The following JMJD1C variants were observed in gnomAD, a reference collection of about 807,000 sequenced individuals.
JMJD1C encodes jumonji domain containing 1C, also known as jumonji domain-containing protein 1C.
In JMJD1C, 31 loss-of-function variants were observed where a neutral mutation model predicts 245.3. The observed-to-expected ratio is 0.13, with a 90% CI of 0.09 to 0.17. The LOEUF (loss-of-function observed/expected upper bound fraction) is 0.17, where lower values mean the gene tolerates loss of function less well. JMJD1C is among the 10% of genes least tolerant of loss of function. The probability of loss-of-function intolerance (pLI) is 1.00; values close to 1 mark genes in which losing one functional copy is unlikely to be tolerated. For missense variants in JMJD1C, 2,691 were observed against 3,000.2 expected, an observed-to-expected ratio of 0.90 and a Z score of 2.41; for synonymous variants, 1,057 against 1,017.4, an observed-to-expected ratio of 1.04 and a Z score of -0.74.
At chr10:63,367,983 C>T (rs548225524) in intron 2 of JMJD1C, among the ~76,000 whole-genome samples, 6 of 152,330 alleles carry the variant, frequency 3.9e-5, no homozygotes, top group African/African-American at 1.4e-4. Flanking sequence ...ACATATAAAT[C>T]TTCCTATCAG....
At chr10:63,249,144 T>C (rs559757186) in intron 3 of JMJD1C, among the ~76,000 whole-genome samples, 9 of 152,218 alleles carry the variant, frequency 5.9e-5, no homozygotes, top group Middle Eastern at 3.4e-3. Context: ...GATAAAACCC[T>C]GTCTCTACTA....
At chr10:63,319,608 G>C (rs1694658554) in intron 2 of JMJD1C, among the ~76,000 whole-genome samples, 1 of 151,748 alleles carries the variant, frequency 6.6e-6, no homozygotes, top group Non-Finnish European at 1.5e-5. Context: ...CTATCTTCTG[G>C]ATGTCAATAC....
chr10:63,388,963 T>C (rs1008408705), intron 1 of JMJD1C, among the ~76,000 whole-genome samples: 1 of 151,690 alleles, frequency 6.6e-6, no homozygotes, highest in Non-Finnish European at 1.5e-5. Flanking sequence ...ATCAAGAAAA[T>C]ATAACAATTC....
At chr10:63,323,639 A>C (rs1479006696) in intron 2 of JMJD1C, among the ~76,000 whole-genome samples, 1 of 152,232 alleles carries the variant, frequency 6.6e-6, no homozygotes, top group Non-Finnish European at 1.5e-5. Context: ...CCAGGTACAT[A>C]AAACTAAAAA....
intron 2 of JMJD1C, among the ~76,000 whole-genome samples, chr10:63,299,789 A>G (rs1412435244): frequency 1.3e-5 from 2 of 152,030 alleles, no homozygotes; most frequent in Admixed American, 1.3e-4. Flanking sequence ...TTGTGTTCAA[A>G]TTCATCTCTG....
chr10:63,454,928 C>T (rs1343474472), intron 1 of JMJD1C, among the ~76,000 whole-genome samples: 1 of 152,106 alleles, frequency 6.6e-6, no homozygotes, highest in African/African-American at 2.4e-5. Context: ...TTCTTCTTGG[C>T]AAAAATACTT....
At chr10:63,190,236 G>A (rs181789766) in intron 17 of JMJD1C, among the ~76,000 whole-genome samples, 42 of 150,030 alleles carry the variant, frequency 2.8e-4, no homozygotes, top group African/African-American at 1.0e-3. Flanking sequence ...ATGGAGTCTC[G>A]CTCTGTCGCC....
chr10:63,332,084 C>A (rs1942216284), intron 2 of JMJD1C, among the ~76,000 whole-genome samples: 1 of 152,088 alleles, frequency 6.6e-6, no homozygotes, highest in South Asian at 2.1e-4. Flanking sequence ...AGACAATAGC[C>A]AACATTTTTC....
chr10:63,335,048 A>AAAC lies in JMJD1C; in HGVS notation c.333+45269_333+45270insGTT, dbSNP rs1255231713. On this transcript the variant is annotated intron_variant, in intron 2 of 25. Transcript: ENST00000399262. ...GAAAAAAATAAAAAAAAAAAAAAAT[A>AAAC]TTGTTCCTAACTAAGGAGTTCCAGT... Among the ~76,000 whole-genome samples, 25 of 140,730 alleles carry AAAC rather than the reference A, an allele frequency of 1.8e-4. 2 individuals are homozygous for AAAC. The highest frequency in any genetic ancestry group is 2.9e-4 in the Admixed American group (4 of 13,960). 92.3% of individuals were successfully genotyped at this position (140,730 alleles called of 152,430 possible).
At chr10:63,441,100 A>C (rs1951357220) in intron 1 of JMJD1C, among the ~76,000 whole-genome samples, 2 of 152,200 alleles carry the variant, frequency 1.3e-5, no homozygotes, top group African/African-American at 4.8e-5. Context: ...TGTAGGAAAA[A>C]GGCACAAACA....
intron 1 of JMJD1C, among the ~76,000 whole-genome samples, chr10:63,438,449 T>C (rs566792373): frequency 1.3e-5 from 2 of 152,302 alleles, no homozygotes; most frequent in South Asian, 4.1e-4. Flanking sequence ...TCTCCCTGCA[T>C]CTGCCTCACC....
chr10:63,219,831 G>A, intron 4 of JMJD1C, 47 bp downstream of exon 4: 1 of 1,311,342 alleles, frequency 7.6e-7, no homozygotes, highest in South Asian at 1.2e-5. Flanking sequence ...AATATGATAA[G>A]TTGCCTAGAT....
chr10:63,399,462 T>G (rs1327020509), intron 1 of JMJD1C, among the ~76,000 whole-genome samples: 1 of 152,180 alleles, frequency 6.6e-6, no homozygotes, highest in African/African-American at 2.4e-5. Context: ...GTGGTCAGAA[T>G]TAGTATACTG....
intron 2 of JMJD1C, among the ~76,000 whole-genome samples, chr10:63,268,306 A>G (rs1855876514): frequency 6.6e-6 from 1 of 152,008 alleles, no homozygotes; most frequent in Non-Finnish European, 1.5e-5. Context: ...AGGTCTATTG[A>G]AAAACACGAT....
intron 2 of JMJD1C, among the ~76,000 whole-genome samples, chr10:63,303,770 T>C (rs1030221060): frequency 7.9e-5 from 12 of 152,246 alleles, no homozygotes; most frequent in African/African-American, 2.7e-4. Flanking sequence ...GATACAGGTT[T>C]AAAAAATATA....
At chr10:63,520,452 AAAAAAT>A (rs1955174235) in intron 1 of JMJD1C, among the ~76,000 whole-genome samples, 1 of 152,138 alleles carries the variant, frequency 6.6e-6, no homozygotes, top group South Asian at 2.1e-4. Context: ...TCTTAACTGG[AAAAAAT>A]AAAAATATCT....
intron 1 of JMJD1C, among the ~76,000 whole-genome samples, chr10:63,387,842 A>G (rs1334309917): frequency 6.6e-6 from 1 of 151,630 alleles, no homozygotes; most frequent in Non-Finnish European, 1.5e-5. Context: ...TCACCGTGTT[A>G]GCCAGGATGG....
intron 3 of JMJD1C, among the ~76,000 whole-genome samples, chr10:63,237,663 A>C (rs1850903151): frequency 6.6e-6 from 1 of 152,156 alleles, no homozygotes; most frequent in African/African-American, 2.4e-5. Flanking sequence ...AAATGCTTGG[A>C]GTCAGAAGTG....
At chr10:63,434,367 C>G (rs1950944788) in intron 1 of JMJD1C, among the ~76,000 whole-genome samples, 1 of 152,108 alleles carries the variant, frequency 6.6e-6, no homozygotes, top group Non-Finnish European at 1.5e-5. Flanking sequence ...GCTTTCTGAT[C>G]ACACCAGTTT....
Sources: gnomAD v4.1 joint callset for allele counts (sites outside exome capture counted in the v4.1 genomes callset) on GRCh38, gnomAD v4.1.1 for gene constraint, MANE v1.5 for transcripts, NCBI Gene and HGNC (gene_info 2026-07-23, HGNC 2026-07-21) for gene names.